KALRN: variants seen among roughly 807,000 people sequenced by gnomAD.
The protein encoded by KALRN is kalirin.
A neutral mutation model predicts 353.7 loss-of-function variants in KALRN; 70 were observed. The observed-to-expected ratio is 0.20, with a 90% CI of 0.16 to 0.24. KALRN has a LOEUF of 0.24. Ranked by LOEUF, KALRN falls within the 10% of genes least tolerant of loss-of-function variation. KALRN has a pLI of 1.00. For synonymous variants in KALRN, 1,391 were observed against 1,434.8 expected (o/e 0.97, Z 0.69); for missense variants, 2,791 against 3,756.7 (o/e 0.74, Z 6.72).
At chr3:124,548,905 C>T (rs1276777532) in intron 33 of KALRN, among the ~76,000 whole-genome samples, 2 of 152,218 alleles carry the variant, frequency 1.3e-5, no homozygotes, top group Non-Finnish European at 2.9e-5. Context: ...CTGCCTGCCT[C>T]AGCCTCCCAA....
intron 21 of KALRN, among the ~76,000 whole-genome samples, chr3:124,452,845 A>C (rs555423271): frequency 1.3e-5 from 2 of 152,280 alleles, no homozygotes; most frequent in South Asian, 4.2e-4. Flanking sequence ...TTTAAGATAT[A>C]ATTTTCTCTG....
At chr3:124,330,240 TCTCTCTCA>T (rs1413020538) in intron 8 of KALRN, among the ~76,000 whole-genome samples, 10 of 109,996 alleles carry the variant, frequency 9.1e-5, no homozygotes, top group African/African-American at 3.8e-4. Context: ...TCTCTCTCTC[TCTCTCTCA>T]CACACACACA....
Position 124,033,820 on chromosome 3 carries a change from C to T in KALRN, c.73+7C>T, listed in dbSNP as rs773565462. On this transcript the variant is annotated splice_region_variant and intron_variant, in intron 1 of 59. Transcript: ENST00000682506. This position sits in a 1 kb window ranked among gnomAD's most constrained non-coding sequence, Gnocchi z 6.2. Reference sequence around the variant, plus strand: ...GACGCCTTTTTCCGGACAGGTAAGCCGGGCAGGGCGCGGGGGGCCAGGGCT... The same window carrying T: ...GACGCCTTTTTCCGGACAGGTAAGCTGGGCAGGGCGCGGGGGGCCAGGGCT... Among the ~76,000 whole-genome samples, 38 of 152,314 alleles carry T rather than the reference C, an allele frequency of 2.5e-4. No individual in the cohort carries two copies. The highest frequency in any genetic ancestry group is 4.3e-4 in the Non-Finnish European group (29 of 68,022).
intron 10 of KALRN, among the ~76,000 whole-genome samples, chr3:124,375,741 T>A (rs1399332822): frequency 6.6e-6 from 1 of 152,246 alleles, no homozygotes; most frequent in East Asian, 1.9e-4. Context: ...AGTTAATTAT[T>A]TCTTTTGCTT....
rs1283399286 is a variant in KALRN, at chr3:124,121,474, C to T, written c.73+87661C>T. Among the ~76,000 whole-genome samples the T allele has an allele frequency of 2.6e-5, 4 of 152,144 alleles. No individual in the cohort carries two copies. In the East Asian group the frequency reaches 7.7e-4, roughly 29 times the overall value. ...AGTGGAGAGGGCATTTTAAGTTTTTCAGAGGATATCATTGCCATGTCTACA... is the reference window on the plus strand; with the variant it reads ...AGTGGAGAGGGCATTTTAAGTTTTTTAGAGGATATCATTGCCATGTCTACA... On this transcript the variant is annotated intron_variant, in intron 1 of 59. Coordinates refer to ENST00000682506, the MANE Select transcript of KALRN (RefSeq NM_001388419.1).
Position 124,675,852 on chromosome 3 carries a change from A to C in KALRN, c.7193+1238A>C, listed in dbSNP as rs147576268. Among the ~76,000 whole-genome samples, 8 of 152,294 alleles carry C rather than the reference A, an allele frequency of 5.3e-5. No homozygotes were observed. In the East Asian group the frequency reaches 9.6e-4, roughly 18 times the overall value. ...GTGGTGCAGGGGGCTTCCATGAGCT[A>C]TCTGAGCAGTGGCACCAGCATAACT... On this transcript the variant is annotated intron_variant, in intron 49 of 59. Coordinates refer to ENST00000682506, the MANE Select transcript of KALRN (RefSeq NM_001388419.1).
At chr3:124,709,855 A>G (rs1028880324) in intron 57 of KALRN, among the ~76,000 whole-genome samples, 1 of 152,254 alleles carries the variant, frequency 6.6e-6, no homozygotes, top group African/African-American at 2.4e-5. Flanking sequence ...GGATGAAAAT[A>G]GATCATACTG....
chr3:124,458,000 G>A lies in KALRN; in HGVS notation c.3854+1272G>A, dbSNP rs188162704. On this transcript the variant is annotated intron_variant, in intron 23 of 59. Transcript: ENST00000682506. ...TAATTGAGAATACTCTGCTGGCCGC[G>A]TGTGGTGGCTCACGTCTGTAATCCC... Among the ~76,000 whole-genome samples, 266 of 152,284 alleles carry A rather than the reference G, an allele frequency of 1.7e-3. 1 individual carries two copies. The highest frequency in any genetic ancestry group is 3.2e-3 in the Non-Finnish European group (218 of 68,018).
intron 1 of KALRN, among the ~76,000 whole-genome samples, chr3:124,053,283 G>T (rs1231527662): frequency 6.6e-6 from 1 of 152,150 alleles, no homozygotes; most frequent in Non-Finnish European, 1.5e-5. Context: ...TAATTTAGAA[G>T]GGATAATATG....
intron 1 of KALRN, among the ~76,000 whole-genome samples, chr3:124,100,984 G>T (rs2061815832): frequency 6.6e-6 from 1 of 152,140 alleles, no homozygotes; most frequent in South Asian, 2.1e-4. Context: ...GAACTCTGTT[G>T]CAAAATAACA....
chr3:124,468,773 G>A (rs943716839), intron 25 of KALRN, among the ~76,000 whole-genome samples: 1 of 152,222 alleles, frequency 6.6e-6, no homozygotes, highest in Admixed American at 6.5e-5. Flanking sequence ...AAAGAGGAAG[G>A]GGAAGGCCTG....
intron 6 of KALRN, among the ~76,000 whole-genome samples, chr3:124,308,407 C>A (rs1414902776): frequency 6.6e-6 from 1 of 151,818 alleles, no homozygotes; most frequent in African/African-American, 2.4e-5. Flanking sequence ...CCATAATAGA[C>A]CATATCCTAG....
Position 124,325,991 on chromosome 3 carries a change from C to A in KALRN, c.1104C>A (p.Val368=). 6.2e-7 allele frequency: 1 copy of A among 1,612,972 alleles called. No individual in the cohort carries two copies. The highest frequency in any genetic ancestry group is 1.1e-5 in the South Asian group (1 of 90,724). The change falls in exon 7 of 60, where the codon GTC becomes GTA. Residue 368 remains valine, a synonymous_variant. Coordinates refer to ENST00000682506, the MANE Select transcript of KALRN (RefSeq NM_001388419.1). ...CCTTTTCTTTCCAGAATGCCTATGT[C>A]AACATCAACCGCATCATGTCCGTGG... ...HFAMNSMNAY[V]NINRIMSVAS...
At chr3:124,227,287 A>G (rs1287422004) in intron 1 of KALRN, among the ~76,000 whole-genome samples, 1 of 152,188 alleles carries the variant, frequency 6.6e-6, no homozygotes, top group African/African-American at 2.4e-5. Context: ...AAGTTAAACA[A>G]GGTAGTGGGT....
intron 1 of KALRN, among the ~76,000 whole-genome samples, chr3:124,142,241 G>A (rs182487129): frequency 1.1e-3 from 171 of 152,298 alleles, no homozygotes; most frequent in Middle Eastern, 3.4e-3. Flanking sequence ...GAGATGTGGA[G>A]CGACTTGCCA....
Position 124,455,250 on chromosome 3 carries a change from C to A in KALRN, c.3626C>A (p.Thr1209Lys). ...SFVEKGHIHA[T>K]EIRKWVTTVD... ...GTGGAAAAAGGCCACATTCATGCCA[C>A]GGAGATAAGGAAATGGGTGACCACG... Residue 1209 changes from threonine (T) to lysine (K), a missense_variant, in exon 22 of 60, where the codon ACG becomes AAG. Transcript: ENST00000682506. 6.2e-7 allele frequency: 1 copy of A among 1,614,150 alleles called. No individual in the cohort carries two copies. Among genetic ancestry groups the A allele is most frequent in the Non-Finnish European group, 8.5e-7 (1 of 1,180,008 alleles).
intron 1 of KALRN, among the ~76,000 whole-genome samples, chr3:124,121,216 T>C (rs1273395457): frequency 6.6e-6 from 1 of 151,258 alleles, no homozygotes; most frequent in Admixed American, 6.6e-5. Flanking sequence ...GATGCAGGAG[T>C]ATAAACAGTA....
At chr3:124,482,032 G>A (rs1231326634) in intron 27 of KALRN, among the ~76,000 whole-genome samples, 1 of 152,130 alleles carries the variant, frequency 6.6e-6, no homozygotes, top group African/African-American at 2.4e-5. Flanking sequence ...TCATTTTGGA[G>A]GTAGGATAGA....
chr3:124,689,118 T>C (rs1406573841), intron 51 of KALRN, among the ~76,000 whole-genome samples: 1 of 152,240 alleles, frequency 6.6e-6, no homozygotes, highest in Non-Finnish European at 1.5e-5. Flanking sequence ...GGCCCAGCAT[T>C]CTCTTGTGCT....
Sources: gnomAD v4.1 joint callset for allele counts (sites outside exome capture counted in the v4.1 genomes callset) on GRCh38, gnomAD v4.1.1 for gene constraint, Gnocchi (gnomAD v3.1) non-coding constraint, MANE v1.5 for transcripts, NCBI Gene and HGNC (gene_info 2026-07-23, HGNC 2026-07-21) for gene names.